The following RERE variants were observed in gnomAD, a reference collection of about 807,000 sequenced individuals.
The protein encoded by RERE is arginine-glutamic acid dipeptide repeats, also known as arginine-glutamic acid dipeptide repeats protein.
In RERE, 40 loss-of-function variants were observed where a neutral mutation model predicts 146.1. That is an observed-to-expected ratio of 0.27 (90% confidence interval 0.21 to 0.36). RERE has a LOEUF of 0.36. RERE is among the 10% of genes least tolerant of loss of function. RERE has a pLI of 1.00. For synonymous variants in RERE, 1,003 were observed against 866.0 expected (o/e 1.16, Z -2.78); for missense variants, 1,933 against 2,138.7 (o/e 0.90, Z 1.90).
intron 3 of RERE, among the ~76,000 whole-genome samples, chr1:8,617,262 T>C (rs2124203166): frequency 7.0e-6 from 1 of 143,014 alleles, no homozygotes. Flanking sequence ...GAGAATCGCT[T>C]GAACCCAGAG....
chr1:8,673,152 A>G (rs1269710008), intron 1 of RERE, among the ~76,000 whole-genome samples: 1 of 152,154 alleles, frequency 6.6e-6, no homozygotes, highest in African/African-American at 2.4e-5. Flanking sequence ...AGGCAGTTCA[A>G]TGGCACGATC....
intron 2 of RERE, among the ~76,000 whole-genome samples, chr1:8,642,316 C>T (rs913177052): frequency 1.3e-5 from 2 of 152,152 alleles, no homozygotes; most frequent in African/African-American, 4.8e-5. Context: ...CAGAGGCTGT[C>T]CTCTACTCCA....
intron 7 of RERE, among the ~76,000 whole-genome samples, chr1:8,533,559 C>T (rs1645685711): frequency 6.6e-6 from 1 of 152,184 alleles, no homozygotes; most frequent in Non-Finnish European, 1.5e-5. Flanking sequence ...GGTTTACTGG[C>T]ATGAGACCAC....
At chr1:8,365,326 GT>G (rs1435453856) in intron 13 of RERE, among the ~76,000 whole-genome samples, 1 of 152,198 alleles carries the variant, frequency 6.6e-6, no homozygotes, top group Non-Finnish European at 1.5e-5. Context: ...TTTTTTAGGG[GT>G]GAGAAGGTGT....
chr1:8,355,041 C>T lies in RERE; in HGVS notation c.*46G>A, dbSNP rs746870634. 20 of 1,542,942 alleles carry T rather than the reference C, an allele frequency of 1.3e-5. No individual in the cohort carries two copies. Among genetic ancestry groups the T allele is most frequent in the Non-Finnish European group, 1.8e-5 (20 of 1,119,632 alleles). ...TTTATGTAAAAAGTCCTGTTTCTCC[C>T]CCCAAGAACTGGGGTTTCCACAGCC... On this transcript the variant is annotated 3_prime_UTR_variant, in exon 23 of 23. Transcript: ENST00000400908.
At chr1:8,566,076 T>G (rs1427332713) in intron 4 of RERE, among the ~76,000 whole-genome samples, 1 of 152,238 alleles carries the variant, frequency 6.6e-6, no homozygotes, top group African/African-American at 2.4e-5. Context: ...AATTTCTTAT[T>G]GCCATTGATA....
Position 8,541,315 on chromosome 1 carries a change from C to T in RERE, c.729G>A (p.Gly243=), listed in dbSNP as rs777158608. The T allele has an allele frequency of 2.5e-6, 4 of 1,597,638 alleles. No homozygotes were observed. The highest frequency in any genetic ancestry group is 2.7e-5 in the African/African-American group (2 of 74,354). ...VDTYHAAALR[G]KCNISHFSDI... ...CAGAAAAATGGGAGATGTTACACTT[C>T]CCTCTGGGAAAAAGAGAAAAAAATA... The change falls in exon 7 of 23, where the codon GGG becomes GGA. Residue 243 remains glycine, a synonymous_variant. Transcript: ENST00000400908.
chr1:8,376,868 T>A (rs1054961987), intron 12 of RERE, among the ~76,000 whole-genome samples: 1 of 152,228 alleles, frequency 6.6e-6, no homozygotes, highest in Non-Finnish European at 1.5e-5. Context: ...CGTACAGGTG[T>A]TGGAGGGATC....
At chr1:8,495,914 C>T (rs1645038550) in intron 9 of RERE, among the ~76,000 whole-genome samples, 1 of 151,998 alleles carries the variant, frequency 6.6e-6, no homozygotes, top group Non-Finnish European at 1.5e-5. Flanking sequence ...ATGGCTCATG[C>T]CCGTAATCCC....
chr1:8,643,194 G>A (rs1159291906), intron 2 of RERE, among the ~76,000 whole-genome samples: 6 of 152,192 alleles, frequency 3.9e-5, no homozygotes, highest in African/African-American at 1.4e-4. Flanking sequence ...AAGGTGGAAA[G>A]TTAAGAGGTA....
intron 1 of RERE, among the ~76,000 whole-genome samples, chr1:8,770,867 C>T (rs981734422): frequency 2.0e-5 from 3 of 152,028 alleles, no homozygotes; most frequent in Non-Finnish European, 2.9e-5. Context: ...AGCAAATAAC[C>T]GGAGGCAGTC....
At chr1:8,685,402 TAATCCTAAGA>T (rs1402092413) in intron 1 of RERE, among the ~76,000 whole-genome samples, 2 of 144,932 alleles carry the variant, frequency 1.4e-5, no homozygotes, top group Admixed American at 7.2e-5. Flanking sequence ...AAAATACAAA[TAATCCTAAGA>T]AATCCACAAT....
At chr1:8,400,095 T>A (rs75743308) in intron 12 of RERE, among the ~76,000 whole-genome samples, 3,171 of 152,218 alleles carry the variant, frequency 0.021, 120 homozygotes, top group African/African-American at 0.073. Context: ...ACCAATTTTT[T>A]AAAAATCTTT....
intron 4 of RERE, among the ~76,000 whole-genome samples, chr1:8,558,317 G>C (rs1280469690): frequency 1.3e-5 from 2 of 152,132 alleles, no homozygotes; most frequent in Non-Finnish European, 2.9e-5. Context: ...CCTTCCATTA[G>C]CAAGTTATGG....
chr1:8,753,157 G>A (rs541268713), intron 1 of RERE, among the ~76,000 whole-genome samples: 35 of 152,142 alleles, frequency 2.3e-4, no homozygotes, highest in Admixed American at 1.4e-3. Context: ...AGTTTCCTTC[G>A]GATGTTTCAT....
At chr1:8,795,979 T>C (rs1641463149) in intron 1 of RERE, among the ~76,000 whole-genome samples, 1 of 110,828 alleles carries the variant, frequency 9.0e-6, no homozygotes. Context: ...CGAAACTCCG[T>C]CTCAAAAAAA....
At chr1:8,598,232 C>G (rs1042214258) in intron 4 of RERE, among the ~76,000 whole-genome samples, 1 of 152,166 alleles carries the variant, frequency 6.6e-6, no homozygotes, top group Non-Finnish European at 1.5e-5. Context: ...CTCCCAGACT[C>G]CCTCCCATGG....
chr1:8,488,562 G>A (rs1644935909), intron 10 of RERE, among the ~76,000 whole-genome samples: 1 of 152,090 alleles, frequency 6.6e-6, no homozygotes, highest in Admixed American at 6.5e-5. Context: ...TTAAAAATTA[G>A]AAACTGGAAG....
At position 8,359,887 on chromosome 1, in the gene RERE, C is replaced by G. The variant is rs1641486677; in HGVS notation, c.3495G>C (p.Glu1165Asp). 1 of 1,613,258 alleles carries G rather than the reference C, an allele frequency of 6.2e-7. No individual in the cohort carries two copies. The change falls in exon 19 of 23, where the codon GAG (glutamate) becomes GAC (aspartate). Residue 1165 changes from glutamate to aspartate, a missense_variant. Glu to Asp is a conservative substitution (Grantham distance 45). This residue lies in a region of RERE where 1,255 missense variants were observed against 1,153.8 expected (regional missense o/e 1.09). Transcript: ENST00000400908. ...CCTCGCGCTTGGCCTTCTCAATGGC[C>G]TCCTCCCTCTTCTTGGCCAGCTTGG... ...AGSKLAKKRE[E>D]AIEKAKREAE...
Sources: allele counts gnomAD v4.1 joint callset (sites outside exome capture counted in the v4.1 genomes callset), GRCh38; gene constraint gnomAD v4.1.1; regional missense constraint gnomAD v4.1.1; transcripts MANE v1.5; gene names NCBI Gene and HGNC (gene_info 2026-07-23, HGNC 2026-07-21).